Variants in NUDT3 observed in about 807,000 individuals in gnomAD.
NUDT3 encodes the protein nudix hydrolase 3.
In NUDT3, 9 loss-of-function variants were observed where a neutral mutation model predicts 23.6. The ratio of observed to expected loss-of-function variants is 0.38; its 90% CI spans 0.23 to 0.66. NUDT3 has a LOEUF of 0.66. NUDT3 is among the 30% of genes least tolerant of loss of function. The probability of loss-of-function intolerance (pLI) is 0.52; values close to 1 mark genes in which losing one functional copy is unlikely to be tolerated. For missense variants in NUDT3, 172 were observed against 218.5 expected (o/e 0.79, Z 1.34); for synonymous variants, 86 against 82.6 (o/e 1.04, Z -0.22).
At chr6:34,387,282 ATTG>A (rs1389715507) in intron 1 of NUDT3, among the ~76,000 whole-genome samples, 1 of 152,018 alleles carries the variant, frequency 6.6e-6, no homozygotes, top group East Asian at 1.9e-4. Flanking sequence ...AGAAGAAGGG[ATTG>A]TTATCATAGG....
intron 2 of NUDT3, among the ~76,000 whole-genome samples, chr6:34,338,256 A>G (rs1164748877): frequency 3.3e-5 from 5 of 152,214 alleles, no homozygotes; most frequent in African/African-American, 1.2e-4. Flanking sequence ...GATAACATAT[A>G]TAAGACCATC....
At chr6:34,303,371 T>G (rs1763630529) in intron 2 of NUDT3, among the ~76,000 whole-genome samples, 1 of 152,046 alleles carries the variant, frequency 6.6e-6, no homozygotes, top group African/African-American at 2.4e-5. Context: ...GTTGTTTTTC[T>G]TTCGTTTTCT....
At chr6:34,302,768 C>T (rs1368424911) in intron 2 of NUDT3, among the ~76,000 whole-genome samples, 3 of 152,072 alleles carry the variant, frequency 2.0e-5, no homozygotes, top group East Asian at 1.9e-4. Context: ...AAACACATCC[C>T]TATTCCTATG....
chr6:34,359,022 G>C (rs1396951608), intron 1 of NUDT3, among the ~76,000 whole-genome samples: 2 of 152,116 alleles, frequency 1.3e-5, no homozygotes, highest in African/African-American at 4.8e-5. Flanking sequence ...ACTCAATTTA[G>C]GAAGATAAGG....
chr6:34,321,859 T>C lies in NUDT3; in HGVS notation c.210+20003A>G, dbSNP rs905322502. Among the ~76,000 whole-genome samples the C allele has an allele frequency of 1.3e-5, 2 of 152,204 alleles. 1 individual carries two copies. The highest frequency in any genetic ancestry group is 2.9e-5 in the Non-Finnish European group (2 of 68,034). ...GCTGTTCAAAACGGTGAACATGATA[T>C]ACATGTAGCTACTGAGCACTTGAAA... On this transcript the variant is annotated intron_variant, in intron 2 of 4. Coordinates refer to ENST00000607016, the MANE Select transcript of NUDT3 (RefSeq NM_006703.4).
At chr6:34,306,476 T>C (rs571370923) in intron 2 of NUDT3, among the ~76,000 whole-genome samples, 3 of 152,350 alleles carry the variant, frequency 2.0e-5, no homozygotes, top group Non-Finnish European at 2.9e-5. Flanking sequence ...GTTAATTATA[T>C]TGAAGTCAAT....
rs1028545204 is a variant in NUDT3 at position 34,295,535 on chromosome 6, CT to C, written c.255+105del. ...CCTTGTCTCAAAAAGTTAAAAATAA[CT>C]AAAAAAAAAAAAACTCGCTGAAACA... On this transcript the variant is annotated intron_variant, in intron 3 of 4. Transcript: ENST00000607016. 13 of 1,166,116 alleles carry C rather than the reference CT, an allele frequency of 1.1e-5. No homozygotes were observed. In the African/African-American group the frequency reaches 1.3e-4, roughly 12 times the overall value. 72.2% of individuals were successfully genotyped at this position (1,166,116 alleles called of 1,614,324 possible).
intron 2 of NUDT3, among the ~76,000 whole-genome samples, chr6:34,313,612 T>C (rs1763808938): frequency 6.6e-6 from 1 of 151,720 alleles, no homozygotes; most frequent in Admixed American, 6.6e-5. Context: ...GGTGGGTATA[T>C]GGGAACTCTG....
intron 1 of NUDT3, among the ~76,000 whole-genome samples, chr6:34,379,199 T>C (rs534729709): frequency 6.6e-6 from 1 of 152,086 alleles, no homozygotes; most frequent in Non-Finnish European, 1.5e-5. Context: ...AAATAAAATT[T>C]AGATTTGCTA....
intron 2 of NUDT3, among the ~76,000 whole-genome samples, 171 bp from the exon 3 acceptor site, chr6:34,295,856 A>G (rs1435173266): frequency 6.6e-6 from 1 of 152,176 alleles, no homozygotes; most frequent in Non-Finnish European, 1.5e-5. Context: ...ACCGACTACT[A>G]ACCTGCTAAC....
chr6:34,316,500 G>T (rs1190527358), intron 2 of NUDT3, among the ~76,000 whole-genome samples: 1 of 152,150 alleles, frequency 6.6e-6, no homozygotes, highest in Admixed American at 6.5e-5. Context: ...ATCTGGCATA[G>T]GTGTGAATGC....
intron 2 of NUDT3, among the ~76,000 whole-genome samples, chr6:34,313,850 C>A (rs1389473200): frequency 1.3e-5 from 2 of 152,092 alleles, no homozygotes; most frequent in Non-Finnish European, 2.9e-5. Context: ...GTAATCCCAG[C>A]ACTTTGGGAG....
chr6:34,354,753 T>TATATATATATATATATATATATATA (rs1561916372), intron 1 of NUDT3, among the ~76,000 whole-genome samples: 6 of 129,158 alleles, frequency 4.6e-5, no homozygotes, highest in African/African-American at 1.6e-4. Context: ...ATATATATAT[T>TATATATATATATATATATATATATA]TATTTACTTT....
chr6:34,300,261 G>A (rs1763579803), intron 2 of NUDT3, among the ~76,000 whole-genome samples: 1 of 152,146 alleles, frequency 6.6e-6, no homozygotes, highest in African/African-American at 2.4e-5. Flanking sequence ...TGACTTTGTT[G>A]GCACAAGTGG....
At chr6:34,385,776 T>A (rs966665275) in intron 1 of NUDT3, among the ~76,000 whole-genome samples, 3 of 151,820 alleles carry the variant, frequency 2.0e-5, no homozygotes, top group African/African-American at 7.3e-5. Context: ...CTCCGTCTCC[T>A]GGGTTCAAGC....
At chr6:34,322,745 T>G (rs1763964713) in intron 2 of NUDT3, among the ~76,000 whole-genome samples, 1 of 152,242 alleles carries the variant, frequency 6.6e-6, no homozygotes, top group Non-Finnish European at 1.5e-5. Flanking sequence ...ATGGAATTAT[T>G]ACAAATTTCT....
At position 34,386,583 on chromosome 6, in the gene NUDT3, GA is replaced by G. The variant is rs561878693; in HGVS notation, c.99+5680del. ...ATAAATAAAGTTTTCTGGGGCTGGG[GA>G]AAAAAAAAACCTAGAATGATAGGTT... On this transcript the variant is annotated intron_variant, in intron 1 of 4. Transcript: ENST00000607016. Among the ~76,000 whole-genome samples the G allele has an allele frequency of 2.1e-4, 31 of 147,608 alleles. No individual in the cohort carries two copies. In the South Asian group the frequency reaches 2.6e-3, roughly 12 times the overall value.
chr6:34,301,158 G>A, intron 2 of NUDT3, among the ~76,000 whole-genome samples: 1 of 125,372 alleles, frequency 8.0e-6, no homozygotes, highest in East Asian at 2.1e-4. Flanking sequence ...CAGTTTACTT[G>A]TAGATCTAAT....
chr6:34,359,975 T>C (rs528051432), intron 1 of NUDT3, among the ~76,000 whole-genome samples: 1 of 152,154 alleles, frequency 6.6e-6, no homozygotes, highest in Non-Finnish European at 1.5e-5. Flanking sequence ...GTTTTAAGAA[T>C]GTCTATACGC....
Sources: gnomAD v4.1 joint callset for allele counts (sites outside exome capture counted in the v4.1 genomes callset) on GRCh38, gnomAD v4.1.1 for gene constraint, MANE v1.5 for transcripts, NCBI Gene and HGNC (gene_info 2026-07-23, HGNC 2026-07-21) for gene names.